The following GFAP variants were observed in gnomAD, a reference collection of about 807,000 sequenced individuals.
GFAP encodes the protein glial fibrillary acidic protein.
Under a neutral mutation model 49.3 loss-of-function variants are expected in GFAP, and 38 were observed. The ratio of observed to expected loss-of-function variants is 0.77; its 90% CI spans 0.60 to 1.01. The LOEUF is 1.01. Ranked by LOEUF, GFAP falls within the 50% of genes least tolerant of loss-of-function variation. The pLI is 0.00. For missense variants in GFAP, 463 were observed against 579.1 expected (o/e 0.80, Z 2.06); for synonymous variants, 222 against 236.4 (o/e 0.94, Z 0.56).
At position 44,907,318 on chromosome 17, in the gene GFAP, G is replaced by A. The variant is rs370608748; in HGVS notation, c.*29C>T. ...CTTCTGCTCGGGCCCCTCATGAGAC[G>A]GGGCAGAGGCCACCAGGTGGGTCCT... is the stretch of plus-strand genomic sequence containing the variant. On this transcript the variant is annotated 3_prime_UTR_variant, in exon 9 of 9. Coordinates refer to ENST00000588735, the MANE Select transcript of GFAP (RefSeq NM_002055.5). The A allele has an allele frequency of 3.2e-4, 520 of 1,609,750 alleles. 4 individuals carry two copies. In the South Asian group the frequency reaches 5.2e-3, roughly 16 times the overall value.
Position 44,910,599 on chromosome 17 carries a change from G to T in GFAP, c.1171+16C>A. On this transcript the variant is annotated intron_variant, in intron 7 of 8. Coordinates refer to ENST00000588735, the MANE Select transcript of GFAP (RefSeq NM_002055.5). Reference sequence around the variant, plus strand: ...AGGACTCCAGTGCCCTTCCCACGAGGCCCTGCTGTACTGACCTCGAATCTG... The same window carrying T: ...AGGACTCCAGTGCCCTTCCCACGAGTCCCTGCTGTACTGACCTCGAATCTG... The T allele has an allele frequency of 6.4e-7, 1 of 1,569,652 alleles. No individual in the cohort carries two copies. The highest frequency in any genetic ancestry group is 8.6e-7 in the Non-Finnish European group (1 of 1,156,290).
intron 4 of GFAP, among the ~76,000 whole-genome samples, chr17:44,912,145 CAG>C (rs898184779): frequency 2.0e-5 from 3 of 151,644 alleles, no homozygotes; most frequent in African/African-American, 7.3e-5. Flanking sequence ...TATTTTGAGA[CAG>C]AGTCTTGCTC....
At position 44,910,229 on chromosome 17, in the gene GFAP, G is replaced by A. The variant is rs759985589; in HGVS notation, c.1171+386C>T. 9.3e-6 allele frequency: 15 copies of A among 1,613,846 alleles called. No homozygotes were observed. In the East Asian group the frequency reaches 2.9e-4, roughly 31 times the overall value. ...GGCTTTTGAGATATCTTGTGACCTTGTGATTTTCCCCGTCTTTGGTGCTTT... is the reference window on the plus strand; with the variant it reads ...GGCTTTTGAGATATCTTGTGACCTTATGATTTTCCCCGTCTTTGGTGCTTT... On this transcript the variant is annotated intron_variant, in intron 7 of 8. Coordinates refer to ENST00000588735, the MANE Select transcript of GFAP (RefSeq NM_002055.5).
chr17:44,910,168 T>C, intron 7 of GFAP: 1 of 1,613,812 alleles, frequency 6.2e-7, no homozygotes. Context: ...CCATTTACAA[T>C]CTGGTGAGCC....
chr17:44,907,297 T>A lies in GFAP; in HGVS notation c.*50A>T. ...AGAGGCGGAGCAACTATCCTGCTTCTGCTCGGGCCCCTCATGAGACGGGGC... is the reference window on the plus strand; with the variant it reads ...AGAGGCGGAGCAACTATCCTGCTTCAGCTCGGGCCCCTCATGAGACGGGGC... On this transcript the variant is annotated 3_prime_UTR_variant, in exon 9 of 9. Transcript: ENST00000588735. 1 of 1,582,642 alleles carries A rather than the reference T, an allele frequency of 6.3e-7. No individual in the cohort carries two copies. The highest frequency in any genetic ancestry group is 8.7e-7 in the Non-Finnish European group (1 of 1,151,690).
At chr17:44,907,582 A>C (rs552645309) in intron 8 of GFAP, 194 bp from the exon 9 acceptor site, 1 of 651,144 alleles carries the variant, frequency 1.5e-6, no homozygotes, top group East Asian at 2.8e-5. Flanking sequence ...ATTTAGCGTC[A>C]TGCCTGGCGA....
Position 44,907,344 on chromosome 17 carries a change from G to A in GFAP, c.*3C>T. The A allele has an allele frequency of 1.9e-6, 3 of 1,613,688 alleles. No individual in the cohort carries two copies. The highest frequency in any genetic ancestry group is 2.5e-6 in the Non-Finnish European group (3 of 1,179,620). On this transcript the variant is annotated 3_prime_UTR_variant, in exon 9 of 9. Coordinates refer to ENST00000588735, the MANE Select transcript of GFAP (RefSeq NM_002055.5). Reference sequence around the variant, plus strand: ...GGGCAGAGGCCACCAGGTGGGTCCTGCCTCACATCACATCCTTGTGCTCCT... The same window carrying A: ...GGGCAGAGGCCACCAGGTGGGTCCTACCTCACATCACATCCTTGTGCTCCT...
Position 44,913,292 on chromosome 17 carries a change from C to T in GFAP, c.757G>A (p.Ala253Thr), listed in dbSNP as rs2051815392. The T allele has an allele frequency of 1.2e-6, 2 of 1,614,208 alleles. No homozygotes were observed. The highest frequency in any genetic ancestry group is 1.7e-6 in the Non-Finnish European group (2 of 1,180,032). The change falls in exon 4 of 9, where the codon GCC (alanine) becomes ACC (threonine). Residue 253 changes from alanine to threonine, a missense_variant. Coordinates refer to ENST00000588735, the MANE Select transcript of GFAP (RefSeq NM_002055.5). ...ACCTTGGAGCGGTACCACTCTTCGGCTTCATGCATGTTGCTGGACGCCATT... is the reference window on the plus strand; with the variant it reads ...ACCTTGGAGCGGTACCACTCTTCGGTTTCATGCATGTTGCTGGACGCCATT... The part of the protein sequence containing the change: ...EAMASSNMHE[A>T]EEWYRSKFAD...
chr17:44,909,098 C>CGAAG (rs2051702624), intron 7 of GFAP: 1 of 149,064 alleles, frequency 6.7e-6, no homozygotes, highest in East Asian at 2.0e-4. Context: ...GACGCTCTGC[C>CGAAG]GAAGGAAGGA....
chr17:44,906,568 G>T lies in GFAP; in HGVS notation c.*779C>A, dbSNP rs2051655449. Reference sequence around the variant, plus strand: ...AGCGTGCCCACAGATGGCATCCCTGGATGGCAGCTCAGGTGGACTGAGACA... The same window carrying T: ...AGCGTGCCCACAGATGGCATCCCTGTATGGCAGCTCAGGTGGACTGAGACA... On this transcript the variant is annotated 3_prime_UTR_variant, in exon 9 of 9. Coordinates refer to ENST00000588735, the MANE Select transcript of GFAP (RefSeq NM_002055.5). 6.6e-6 allele frequency: 1 copy of T among 152,572 alleles called. No individual in the cohort carries two copies. Among genetic ancestry groups the T allele is most frequent in the Non-Finnish European group, 1.5e-5 (1 of 68,332 alleles). The allele number at this position is 152,572 out of a possible 1,614,324, so 9.5% of individuals were successfully genotyped here. A position where few individuals can be genotyped will look rare whatever the true frequency, so the allele number is the denominator to read the frequency against.
chr17:44,905,110 G>A lies in GFAP; in HGVS notation c.*2237C>T, dbSNP rs1404846984. On this transcript the variant is annotated 3_prime_UTR_variant, in exon 9 of 9. Coordinates refer to ENST00000588735, the MANE Select transcript of GFAP (RefSeq NM_002055.5). ...CTCTGAAGACCAGTTGTCCTTCAAT[G>A]TGTTTGTTAAATGATACCAGATGTC... 1.4e-6 allele frequency: 2 copies of A among 1,452,528 alleles called. No homozygotes were observed. Among genetic ancestry groups the A allele is most frequent in the Non-Finnish European group, 9.3e-7 (1 of 1,077,100 alleles). 90.0% of individuals were successfully genotyped at this position (1,452,528 alleles called of 1,614,324 possible). A position where few individuals can be genotyped will look rare whatever the true frequency, so the allele number is the denominator to read the frequency against.
intron 6 of GFAP, 76 bp from the exon 7 acceptor site, chr17:44,910,734 C>T (rs968545963): frequency 4.5e-6 from 7 of 1,545,880 alleles, no homozygotes; most frequent in South Asian, 1.2e-5. Flanking sequence ...GCGGGGCCAT[C>T]ATGACAACTT....
chr17:44,907,163 G>A lies in GFAP; in HGVS notation c.*184C>T. 3.1e-6 allele frequency: 2 copies of A among 650,830 alleles called. No homozygotes were observed. Among genetic ancestry groups the A allele is most frequent in the Non-Finnish European group, 5.6e-6 (2 of 357,366 alleles). The allele number at this position is 650,830 out of a possible 1,614,324, so 40.3% of individuals were successfully genotyped here. On this transcript the variant is annotated 3_prime_UTR_variant, in exon 9 of 9. Transcript: ENST00000588735. Reference sequence around the variant, plus strand: ...GCTGGGTGCTGGGTGGGTGCCGTCTGGCAGGCCTGATACTGACGGAGCCTA... The same window carrying A: ...GCTGGGTGCTGGGTGGGTGCCGTCTAGCAGGCCTGATACTGACGGAGCCTA...
At position 44,911,261 on chromosome 17, in the gene GFAP, TC is replaced by T; in HGVS notation, c.1101del (p.Lys368SerfsTer3). 2 of 1,614,106 alleles carry T rather than the reference TC, an allele frequency of 1.2e-6. No individual in the cohort carries two copies. Among genetic ancestry groups the T allele is most frequent in the Non-Finnish European group, 1.7e-6 (2 of 1,179,990 alleles). On this transcript the variant is annotated frameshift_variant, in exon 6 of 9. Transcript: ENST00000588735. LOFTEE classifies it high-confidence loss of function. ...CGGTTCTCCTCGCCCTCTAGCAGCT[TC>T]CTGTAGGTGGCGATCTCGATGTCCA... ...LALDIEIATY[R>X]KLLEGEENRI...
At chr17:44,907,467 T>A in intron 8 of GFAP, 79 bp from the exon 9 acceptor site, 2 of 1,051,302 alleles carry the variant, frequency 1.9e-6, no homozygotes, top group South Asian at 1.3e-5. Context: ...CGAGGCTGTG[T>A]AACCTTGGGA....
intron 8 of GFAP, 133 bp from the exon 9 acceptor site, chr17:44,907,521 A>G: frequency 1.4e-6 from 1 of 727,060 alleles, no homozygotes. Flanking sequence ...TAGTAACCAC[A>G]GCTGCCTTGC....
chr17:44,913,082 A>G (rs2051810504), intron 4 of GFAP, 187 bp downstream of exon 4: 1 of 675,178 alleles, frequency 1.5e-6, no homozygotes, highest in East Asian at 2.5e-5. Flanking sequence ...TAGCAGTAAT[A>G]ATAATGGGTA....
chr17:44,915,450 AGCGGCGAGCAGCGGAGGTGATGC>A lies in GFAP; in HGVS notation c.14_36del (p.Arg5LeufsTer57). The A allele has an allele frequency of 1.2e-6, 2 of 1,602,506 alleles. No homozygotes were observed. The highest frequency in any genetic ancestry group is 1.7e-6 in the Non-Finnish European group (2 of 1,175,118). On this transcript the variant is annotated frameshift_variant, in exon 1 of 9. Coordinates refer to ENST00000588735, the MANE Select transcript of GFAP (RefSeq NM_002055.5). LOFTEE classifies it high-confidence loss of function. This position sits in a 1 kb window ranked among gnomAD's most constrained non-coding sequence, Gnocchi z 4.1. ...ATCATCTCCCCTGAGGAGACGTAGG[AGCGGCGAGCAGCGGAGGTGATGC>A]GTCTCCTCTCCATCCTGCTCTGGCT...
chr17:44,913,480 C>A (rs753715281), intron 3 of GFAP, 50 bp from the exon 4 acceptor site: 2 of 1,591,876 alleles, frequency 1.3e-6, no homozygotes, highest in East Asian at 4.5e-5. Flanking sequence ...CAGGCCACAG[C>A]TGGGGTTCCC....
Sources: allele counts gnomAD v4.1 joint callset (sites outside exome capture counted in the v4.1 genomes callset), GRCh38; gene constraint gnomAD v4.1.1; non-coding constraint Gnocchi (gnomAD v3.1); transcripts MANE v1.5; gene names NCBI Gene and HGNC (gene_info 2026-07-23, HGNC 2026-07-21).